SASH1: variants seen among roughly 807,000 people sequenced by gnomAD.
SASH1 encodes SAM and SH3 domain containing 1, also known as SAM and SH3 domain-containing protein 1.
Under a neutral mutation model 125.2 loss-of-function variants are expected in SASH1, and 44 were observed. The ratio of observed to expected loss-of-function variants is 0.35; its 90% CI spans 0.28 to 0.45. SASH1 has a LOEUF of 0.45. Ranked by LOEUF, SASH1 falls within the 20% of genes least tolerant of loss-of-function variation. SASH1 has a pLI of 1.00. For synonymous variants in SASH1, 639 were observed against 649.1 expected (o/e 0.98, Z 0.24); for missense variants, 1,426 against 1,614.5 (o/e 0.88, Z 2.00).
chr6:148,501,608 C>G (rs117151950), intron 8 of SASH1, among the ~76,000 whole-genome samples: 4,462 of 152,268 alleles, frequency 0.029, 79 homozygotes, highest in Non-Finnish European at 0.044. Flanking sequence ...TCCTAACTCA[C>G]CTATTTAATA....
At chr6:148,290,669 A>G (rs892655590) in intron 1 of SASH1, among the ~76,000 whole-genome samples, 1 of 151,918 alleles carries the variant, frequency 6.6e-6, no homozygotes, top group East Asian at 2.0e-4. Flanking sequence ...TGAAGGCAGC[A>G]TACTCGTTAA....
intron 1 of SASH1, among the ~76,000 whole-genome samples, chr6:148,360,415 T>G (rs1463264363): frequency 6.6e-6 from 1 of 151,472 alleles, no homozygotes; most frequent in Non-Finnish European, 1.5e-5. Context: ...TGGCGTGATC[T>G]TGGCTCACTG....
chr6:148,417,719 GT>G (rs34971331), intron 2 of SASH1, among the ~76,000 whole-genome samples: 82,548 of 151,660 alleles, frequency 0.54, 22,572 homozygotes, highest in East Asian at 0.59. Context: ...TTCCTCATTG[GT>G]TTTTTTTAAA....
At chr6:148,316,745 G>A (rs1780489073) in intron 1 of SASH1, among the ~76,000 whole-genome samples, 1 of 152,166 alleles carries the variant, frequency 6.6e-6, no homozygotes, top group Non-Finnish European at 1.5e-5. Flanking sequence ...ATGTTTTTCA[G>A]AGCAATCAGT....
At chr6:148,446,073 G>C (rs780333506) in intron 4 of SASH1, among the ~76,000 whole-genome samples, 3 of 135,022 alleles carry the variant, frequency 2.2e-5, no homozygotes, top group Non-Finnish European at 4.9e-5. Flanking sequence ...TTGCTATCCT[G>C]AACAACATAG....
At chr6:148,438,948 A>G (rs4895756) in intron 2 of SASH1, among the ~76,000 whole-genome samples, 5 of 152,166 alleles carry the variant, frequency 3.3e-5, no homozygotes, top group Admixed American at 3.3e-4. Flanking sequence ...ATTTAAAAGT[A>G]TAACTTTGCT....
At chr6:148,217,020 C>G in the SASH1 span, among the ~76,000 whole-genome samples, 5 of 152,144 alleles carry the variant, frequency 3.3e-5, no homozygotes, top group Non-Finnish European at 1.5e-5. Flanking sequence ...AGCCACCATG[C>G]CTGGCCTAAT....
At chr6:148,341,108 G>A (rs1230251244), upstream of SASH1, among the ~76,000 whole-genome samples, 1 of 152,086 alleles carries the variant, frequency 6.6e-6, no homozygotes, top group African/African-American at 2.4e-5. Context: ...GCACTGCCGG[G>A]GTGAGAGAGC....
intron 4 of SASH1, among the ~76,000 whole-genome samples, chr6:148,454,274 C>T (rs1172610823): frequency 1.3e-5 from 2 of 152,134 alleles, no homozygotes; most frequent in Non-Finnish European, 2.9e-5. Context: ...CATGCCAGCC[C>T]CTGACCCAGA....
chr6:148,533,584 C>CCTGT lies in SASH1; in HGVS notation c.1735-183_1735-180dup, dbSNP rs1781652172. Among the ~76,000 whole-genome samples the CCTGT allele has an allele frequency of 6.6e-6, 1 of 152,122 alleles. No individual in the cohort carries two copies. Among genetic ancestry groups the CCTGT allele is most frequent in the African/African-American group, 2.4e-5 (1 of 41,424 alleles). ...GTGGAATTCCGTACAGTCAGAGACACCTGTCTGGCCTCTGCGGAGCTCACA... is the reference window on the plus strand; with the variant it reads ...GTGGAATTCCGTACAGTCAGAGACACCTGTCTGTCTGGCCTCTGCGGAGCTCACA... On this transcript the variant is annotated intron_variant, in intron 14 of 19. Coordinates refer to ENST00000367467, the MANE Select transcript of SASH1 (RefSeq NM_015278.5). The surrounding 1 kb of genome is among the most constrained non-coding windows in gnomAD (Gnocchi z 6.2).
intron 1 of SASH1, among the ~76,000 whole-genome samples, chr6:148,279,116 C>A (rs1282378727): frequency 7.2e-5 from 11 of 152,182 alleles, no homozygotes; most frequent in African/African-American, 2.4e-4. Flanking sequence ...CTCAGCCTCC[C>A]AAGTAGCTGG....
chr6:148,545,984 C>G, intron 18 of SASH1, 31 bp from the exon 19 acceptor site: 1 of 1,606,418 alleles, frequency 6.2e-7, no homozygotes, highest in Non-Finnish European at 8.5e-7. Flanking sequence ...CCTTATGACT[C>G]TTGATGTCAT....
At chr6:148,355,430 G>C (rs1304635762) in intron 1 of SASH1, among the ~76,000 whole-genome samples, 1 of 152,130 alleles carries the variant, frequency 6.6e-6, no homozygotes, top group East Asian at 1.9e-4. Flanking sequence ...TTCATGATGA[G>C]CATTAAATAG....
chr6:148,492,646 G>T (rs9373563), intron 8 of SASH1, among the ~76,000 whole-genome samples: 3 of 151,584 alleles, frequency 2.0e-5, no homozygotes, highest in African/African-American at 7.3e-5. Context: ...GGTGAAACCC[G>T]GTCTCTACAA....
chr6:148,531,214 G>C (rs146274531), intron 12 of SASH1, among the ~76,000 whole-genome samples: 226 of 152,174 alleles, frequency 1.5e-3, no homozygotes, highest in African/African-American at 5.3e-3. Context: ...CTGGGCTTTT[G>C]CGTATGCTGA....
Position 148,449,078 on chromosome 6 carries a change from C to CTTTTTCTTTTTTTTTTTCTTTTTTTTT in SASH1, c.386+8676_386+8677insCTTTTTTTTTTTCTTTTTTTTTTTTTT. 5.3e-4 allele frequency among the ~76,000 whole-genome samples: 47 copies of CTTTTTCTTTTTTTTTTTCTTTTTTTTT among 88,692 alleles called. 1 individual carries two copies. The highest frequency in any genetic ancestry group is 1.1e-3 in the South Asian group (3 of 2,852). 58.2% of individuals were successfully genotyped at this position (88,692 alleles called of 152,430 possible). ...GAGACTGGCTAATTTCATTTCATTTCTTTTTTTTTTTTTTTGGAGACAGAG... is the reference window on the plus strand; with the variant it reads ...GAGACTGGCTAATTTCATTTCATTTCTTTTTCTTTTTTTTTTTCTTTTTTTTTTTTTTTTTTTTTTTTGGAGACAGAG... On this transcript the variant is annotated intron_variant, in intron 4 of 19. Coordinates refer to ENST00000367467, the MANE Select transcript of SASH1 (RefSeq NM_015278.5).
At chr6:148,288,657 A>C (rs1294329283) in intron 1 of SASH1, among the ~76,000 whole-genome samples, 1 of 148,040 alleles carries the variant, frequency 6.8e-6, no homozygotes, top group Non-Finnish European at 1.5e-5. Context: ...CACTAGAGCC[A>C]TCACAGACAC....
intron 1 of SASH1, among the ~76,000 whole-genome samples, chr6:148,315,896 C>G (rs945718035): frequency 2.0e-5 from 3 of 152,042 alleles, no homozygotes; most frequent in Admixed American, 6.6e-5. Context: ...AGATCAAGAC[C>G]CTGTGTCAAG....
At chr6:148,488,962 CTT>C (rs1778988978) in intron 8 of SASH1, among the ~76,000 whole-genome samples, 1 of 152,106 alleles carries the variant, frequency 6.6e-6, no homozygotes, top group South Asian at 2.1e-4. Context: ...GATGCACACA[CTT>C]TTAAATTTTG....
Sources: allele counts gnomAD v4.1 joint callset (sites outside exome capture counted in the v4.1 genomes callset), GRCh38; gene constraint gnomAD v4.1.1; non-coding constraint Gnocchi (gnomAD v3.1); transcripts MANE v1.5; gene names NCBI Gene and HGNC (gene_info 2026-07-23, HGNC 2026-07-21).